The following WWOX variants were observed in gnomAD, a reference collection of about 807,000 sequenced individuals.
The protein encoded by WWOX is WW domain-containing oxidoreductase.
WWOX carries 69 observed loss-of-function variants against 46.2 expected under a neutral mutation model. The ratio of observed to expected loss-of-function variants is 1.49; its 90% CI spans 1.23 to 1.82. The LOEUF (loss-of-function observed/expected upper bound fraction) is 1.82, where lower values mean the gene tolerates loss of function less well. WWOX is among the 40% of genes most tolerant of loss of function. The probability of loss-of-function intolerance (pLI) is 0.00; values close to 1 mark genes in which losing one functional copy is unlikely to be tolerated. For missense variants in WWOX, 919 were observed against 542.6 expected, an observed-to-expected ratio of 1.69 and a Z score of -6.89; for synonymous variants, 359 against 202.6, an observed-to-expected ratio of 1.77 and a Z score of -6.56.
chr16:78,337,573 C>G (rs1015464606), intron 5 of WWOX, among the ~76,000 whole-genome samples: 1 of 152,140 alleles, frequency 6.6e-6, no homozygotes, highest in Non-Finnish European at 1.5e-5. Flanking sequence ...AGGTGTCTGT[C>G]ATTTCATTAT....
rs74832717 is a variant in WWOX, at chr16:79,117,674, G to T, written c.1057-93934G>T. Among the ~76,000 whole-genome samples the T allele has an allele frequency of 4.6e-3, 701 of 152,336 alleles. 7 individuals carry two copies. Among genetic ancestry groups the T allele is most frequent in the African/African-American group, 0.016 (671 of 41,572 alleles). ...AATCTGTTAGTGTAGCCACCTTAGTGGTCTTATCTAGATCTTCTGGAAAAC... is the reference window on the plus strand; with the variant it reads ...AATCTGTTAGTGTAGCCACCTTAGTTGTCTTATCTAGATCTTCTGGAAAAC... On this transcript the variant is annotated intron_variant, in intron 8 of 8. Transcript: ENST00000566780.
At chr16:78,443,000 G>A (rs2083478818) in intron 8 of WWOX, among the ~76,000 whole-genome samples, 1 of 151,934 alleles carries the variant, frequency 6.6e-6, no homozygotes, top group Non-Finnish European at 1.5e-5. Flanking sequence ...GTGGGGCGCG[G>A]TCGTGGGTGC....
intron 8 of WWOX, among the ~76,000 whole-genome samples, chr16:78,697,195 G>A (rs2048118896): frequency 1.3e-5 from 2 of 152,172 alleles, no homozygotes; most frequent in Admixed American, 1.3e-4. Context: ...TGGGATTGCT[G>A]GATCAAATGG....
chr16:78,521,667 T>C (rs2043350917), intron 8 of WWOX, among the ~76,000 whole-genome samples: 1 of 152,246 alleles, frequency 6.6e-6, no homozygotes, highest in Admixed American at 6.5e-5. Flanking sequence ...CCCAGTCTAG[T>C]TCACAGGTGT....
At chr16:79,154,953 G>C (rs1161012705) in intron 8 of WWOX, among the ~76,000 whole-genome samples, 2 of 152,178 alleles carry the variant, frequency 1.3e-5, no homozygotes, top group Non-Finnish European at 2.9e-5. Context: ...TCATTCCTCT[G>C]ACAAGTATTT....
rs560379162 is a variant in WWOX, at chr16:78,267,060, C to G, written c.516+102771C>G. 8.0e-5 allele frequency: 13 copies of G among 163,034 alleles called. No homozygotes were observed. The Middle Eastern group carries it at 0.011, about 142-fold the overall frequency. The allele number at this position is 163,034 out of a possible 1,614,324, so 10.1% of individuals were successfully genotyped here. ...TGCTTTTGCTTCTTCCTCATTTTCT[C>G]TTGCCACCAGCATGTAAGAAGTGCC... On this transcript the variant is annotated intron_variant, in intron 5 of 8. Coordinates refer to ENST00000566780, the MANE Select transcript of WWOX (RefSeq NM_016373.4).
chr16:78,457,665 G>C (rs1056666756), intron 8 of WWOX, among the ~76,000 whole-genome samples: 1 of 152,100 alleles, frequency 6.6e-6, no homozygotes, highest in African/African-American at 2.4e-5. Context: ...TGTAATCCCA[G>C]CACTTTGGGA....
At chr16:78,218,175 C>T (rs1461556974) in intron 5 of WWOX, among the ~76,000 whole-genome samples, 2 of 152,156 alleles carry the variant, frequency 1.3e-5, no homozygotes, top group South Asian at 2.1e-4. Flanking sequence ...CTGCCTCAGC[C>T]TCCCGAGTAG....
chr16:78,890,537 C>T (rs1281774101), intron 8 of WWOX: 2 of 152,234 alleles, frequency 1.3e-5, no homozygotes, highest in Non-Finnish European at 2.9e-5. Flanking sequence ...GTGCTGATGT[C>T]TTCACTTCCT....
At chr16:78,514,501 C>T (rs17706655) in intron 8 of WWOX, among the ~76,000 whole-genome samples, 1 of 152,080 alleles carries the variant, frequency 6.6e-6, no homozygotes, top group Non-Finnish European at 1.5e-5. Context: ...TGAAGTGGTC[C>T]TAATCTGCGG....
chr16:78,789,698 T>A (rs1246565893), intron 8 of WWOX, among the ~76,000 whole-genome samples: 1 of 152,250 alleles, frequency 6.6e-6, no homozygotes, highest in Non-Finnish European at 1.5e-5. Context: ...CAGTGTTCAA[T>A]AACTGGCTTG....
At position 78,432,728 on chromosome 16, in the gene WWOX, G is replaced by T. The variant is rs777688969; in HGVS notation, c.1032G>T (p.Leu344Phe). The change falls in exon 8 of 9, where the codon TTG becomes TTT. Residue 344 changes from leucine (L) to phenylalanine (F), a missense_variant. Physicochemically the swap from Leu to Phe is conservative, Grantham distance 22. Coordinates refer to ENST00000566780, the MANE Select transcript of WWOX (RefSeq NM_016373.4). Reference sequence around the variant, plus strand: ...GGGTGTACACACTGCTGTTTACCTTGGCGAGGCCTTTCACCAAGTCCATGG... The same window carrying T: ...GGGTGTACACACTGCTGTTTACCTTTGCGAGGCCTTTCACCAAGTCCATGG... ...SWWVYTLLFTLARPFTKSMQQ... is the reference protein window; with the variant it reads ...SWWVYTLLFTFARPFTKSMQQ... 2 of 1,614,156 alleles carry T rather than the reference G, an allele frequency of 1.2e-6. No individual in the cohort carries two copies. Among genetic ancestry groups the T allele is most frequent in the East Asian group, 4.5e-5 (2 of 44,878 alleles).
chr16:78,900,919 C>T (rs1041472907), intron 8 of WWOX, among the ~76,000 whole-genome samples: 17 of 151,150 alleles, frequency 1.1e-4, no homozygotes, highest in African/African-American at 3.9e-4. Context: ...CCCATATTCT[C>T]TTTAATGTTC....
chr16:78,875,920 G>C (rs2151208439), intron 8 of WWOX, among the ~76,000 whole-genome samples: 1 of 152,202 alleles, frequency 6.6e-6, no homozygotes, highest in East Asian at 1.9e-4. Flanking sequence ...ATACCATTTA[G>C]CCTATTAGTA....
At chr16:78,704,550 T>A (rs575900408) in intron 8 of WWOX, among the ~76,000 whole-genome samples, 2 of 152,260 alleles carry the variant, frequency 1.3e-5, no homozygotes, top group South Asian at 4.1e-4. Flanking sequence ...TCCATACAGT[T>A]TACGAAACTC....
In WWOX at chr16:78,787,714, T is replaced by A. The variant is rs535707520; in HGVS notation, c.1056+354962T>A. 2.2e-4 allele frequency among the ~76,000 whole-genome samples: 34 copies of A among 152,322 alleles called. 1 individual carries two copies. The South Asian group carries it at 5.8e-3, about 26-fold the overall frequency. ...GGCATTGCTGGGTAATATGGCAATT[T>A]TATATTTAACTTTCAGAGGAGCCAC... is the stretch of plus-strand genomic sequence containing the variant. On this transcript the variant is annotated intron_variant, in intron 8 of 8. Coordinates refer to ENST00000566780, the MANE Select transcript of WWOX (RefSeq NM_016373.4).
intron 8 of WWOX, among the ~76,000 whole-genome samples, chr16:78,573,867 G>A (rs1036348232): frequency 5.3e-5 from 8 of 152,174 alleles, no homozygotes; most frequent in African/African-American, 1.7e-4. Flanking sequence ...GCTTAAAACA[G>A]CACACATTTA....
intron 8 of WWOX, among the ~76,000 whole-genome samples, chr16:78,609,431 T>C (rs185875038): frequency 6.6e-6 from 1 of 151,870 alleles, no homozygotes; most frequent in Non-Finnish European, 1.5e-5. Context: ...TTTAAAGCGA[T>C]AGTCCTATTT....
At chr16:78,831,088 C>T (rs186397555) in intron 8 of WWOX, among the ~76,000 whole-genome samples, 2 of 152,296 alleles carry the variant, frequency 1.3e-5, no homozygotes, top group Non-Finnish European at 2.9e-5. Flanking sequence ...GACTGCGTTC[C>T]TAGCCCTCCA....
Sources: allele counts gnomAD v4.1 joint callset (sites outside exome capture counted in the v4.1 genomes callset), GRCh38; gene constraint gnomAD v4.1.1; transcripts MANE v1.5; gene names NCBI Gene and HGNC (gene_info 2026-07-23, HGNC 2026-07-21).